Variants in ZFX observed in about 807,000 individuals in gnomAD.
ZFX encodes zinc finger X-chromosomal protein.
For missense variants in ZFX, 362 were observed against 628.3 expected (o/e 0.58, Z 4.53); for synonymous variants, 196 against 226.8 (o/e 0.86, Z 1.22).
chrX:24,174,273 C>A (rs185361807), intron 4 of ZFX, among the ~76,000 whole-genome samples: 6 of 110,519 alleles, frequency 5.4e-5, no homozygotes, highest in Non-Finnish European at 1.1e-4. Flanking sequence ...AGGTAGCTAC[C>A]CCTTATTATA....
At chrX:24,182,135 A>C (rs1186848948) in intron 5 of ZFX, among the ~76,000 whole-genome samples, 1 of 109,191 alleles carries the variant, frequency 9.2e-6, no homozygotes, top group Non-Finnish European at 1.9e-5. Flanking sequence ...CATTACCTGA[A>C]AGGAGGAGTA....
intron 5 of ZFX, among the ~76,000 whole-genome samples, chrX:24,184,009 C>CAT (rs1935906068): frequency 9.0e-6 from 1 of 111,388 alleles, no homozygotes; most frequent in Non-Finnish European, 1.9e-5. Context: ...GATCCATCTG[C>CAT]CTCAGCCTCC....
At chrX:24,197,455 A>G (rs903004922) in intron 5 of ZFX, among the ~76,000 whole-genome samples, 1 of 112,278 alleles carries the variant, frequency 8.9e-6, no homozygotes, top group Middle Eastern at 4.2e-3. Flanking sequence ...GTATCTTAGC[A>G]TATAGCCAAG....
chrX:24,197,347 G>A (rs1327727940), intron 5 of ZFX, among the ~76,000 whole-genome samples: 3 of 111,379 alleles, frequency 2.7e-5, no homozygotes, highest in Non-Finnish European at 3.8e-5. Flanking sequence ...GGCAATAGGG[G>A]CAGTTAGAGT....
At chrX:24,195,986 A>G (rs1235602226) in intron 5 of ZFX, among the ~76,000 whole-genome samples, 2 of 112,142 alleles carry the variant, frequency 1.8e-5, no homozygotes, top group African/African-American at 6.5e-5. Context: ...GTTCCATCAA[A>G]TGTGGACAGT....
intron 5 of ZFX, among the ~76,000 whole-genome samples, chrX:24,201,851 G>A (rs937260957): frequency 6.2e-5 from 7 of 112,265 alleles, no homozygotes; most frequent in African/African-American, 9.7e-5. Context: ...TATGTCCAGC[G>A]TTTAGAGAAC....
At position 24,215,217 on chromosome X, in the gene ZFX, C is replaced by G. The variant is rs1321030913; in HGVS notation, c.*3841C>G. ...AAATGACACCTAACCTGTCTGTGAT[C>G]CAACAAGTCCGATAACATGCTGCTG... On this transcript the variant is annotated 3_prime_UTR_variant, in exon 10 of 10. Coordinates refer to ENST00000304543, the MANE Select transcript of ZFX (RefSeq NM_003410.4). 2 of 111,861 alleles carry G rather than the reference C, an allele frequency of 1.8e-5. No homozygotes were observed. Among genetic ancestry groups the G allele is most frequent in the African/African-American group, 6.5e-5 (2 of 30,780 alleles). The allele number at this position is 111,861 out of a possible 1,213,427, so 9.2% of individuals were successfully genotyped here.
Position 24,209,169 on chromosome X carries a change from T to G in ZFX, c.1234+129T>G, listed in dbSNP as rs1347997937. The G allele has an allele frequency of 6.2e-6, 6 of 967,170 alleles. No individual in the cohort carries two copies. The East Asian group carries it at 2.0e-4, about 33-fold the overall frequency. The allele number at this position is 967,170 out of a possible 1,213,427, so 79.7% of individuals were successfully genotyped here. On this transcript the variant is annotated intron_variant, in intron 9 of 9. Transcript: ENST00000304543. ...CCATATATAGCTTTGTCTATTGAAC[T>G]TGAAAATATAATTTTCAGAATTCAG...
chrX:24,207,246 T>TTTA, intron 5 of ZFX, 80 bp from the exon 6 acceptor site: 1 of 301,205 alleles, frequency 3.3e-6, no homozygotes, highest in Non-Finnish European at 4.3e-6. Flanking sequence ...AAAAAAAAAA[T>TTTA]TTTTTTTTTT....
chrX:24,213,901 TTAAC>T lies in ZFX; in HGVS notation c.*2528_*2531del, dbSNP rs1375213864. On this transcript the variant is annotated 3_prime_UTR_variant, in exon 10 of 10. Transcript: ENST00000304543. Reference sequence around the variant, plus strand: ...CAGAAAATATAAATGATTGGGTCATTTAACTATATTTTTTTAAATAAACTGAAAG... The same window carrying T: ...CAGAAAATATAAATGATTGGGTCATTTATATTTTTTTAAATAAACTGAAAG... The T allele has an allele frequency of 1.8e-5, 2 of 110,845 alleles. No individual in the cohort carries two copies. Among genetic ancestry groups the T allele is most frequent in the South Asian group, 3.8e-4 (1 of 2,649 alleles). The allele number at this position is 110,845 out of a possible 1,213,427, so 9.1% of individuals were successfully genotyped here.
chrX:24,173,022 C>T (rs1316277791), intron 4 of ZFX: 2 of 300,448 alleles, frequency 6.7e-6, no homozygotes, highest in African/African-American at 5.5e-5. Flanking sequence ...CAATATCAAA[C>T]CTTAGTTTTA....
chrX:24,172,375 G>T (rs1243015446), intron 3 of ZFX, among the ~76,000 whole-genome samples: 1 of 111,855 alleles, frequency 8.9e-6, no homozygotes, highest in Non-Finnish European at 1.9e-5. Flanking sequence ...TCTTAAAAGC[G>T]TTCTATATTT....
intron 5 of ZFX, among the ~76,000 whole-genome samples, chrX:24,206,500 CGTGTGT>C (rs774457469): frequency 0.036 from 2,140 of 59,593 alleles, 69 homozygotes; most frequent in African/African-American, 0.068. Flanking sequence ...CCATGCCTGG[CGTGTGT>C]GTGTGTGTGT....
Position 24,211,522 on chromosome X carries a change from T to A in ZFX, c.*146T>A, listed in dbSNP as rs1000471669. Reference sequence around the variant, plus strand: ...TTATTACTTCTAGTTGACTTTTTTTTAAATATACATTTTGCTCAGTAGTGT... The same window carrying A: ...TTATTACTTCTAGTTGACTTTTTTTAAAATATACATTTTGCTCAGTAGTGT... On this transcript the variant is annotated 3_prime_UTR_variant, in exon 10 of 10. Coordinates refer to ENST00000304543, the MANE Select transcript of ZFX (RefSeq NM_003410.4). 6.2e-5 allele frequency: 45 copies of A among 724,187 alleles called. No individual in the cohort carries two copies. Among genetic ancestry groups the A allele is most frequent in the Non-Finnish European group, 7.7e-5 (39 of 504,472 alleles). 59.7% of individuals were successfully genotyped at this position (724,187 alleles called of 1,213,427 possible).
At chrX:24,206,500 CGTGTGTGTGTGTGTGT>C (rs774457469) in intron 5 of ZFX, among the ~76,000 whole-genome samples, 169 of 59,598 alleles carry the variant, frequency 2.8e-3, no homozygotes, top group Middle Eastern at 0.023. Context: ...CCATGCCTGG[CGTGTGTGTGTGTGTGT>C]GTGTGTGTGT....
At chrX:24,170,666 A>T (rs1353683118) in intron 3 of ZFX, among the ~76,000 whole-genome samples, 2 of 94,536 alleles carry the variant, frequency 2.1e-5, no homozygotes, top group African/African-American at 8.3e-5. Context: ...GCTGGAGTGC[A>T]ATGGCATGAT....
At chrX:24,163,666 C>A (rs1485992991) in intron 3 of ZFX, among the ~76,000 whole-genome samples, 1 of 106,247 alleles carries the variant, frequency 9.4e-6, no homozygotes, top group Non-Finnish European at 1.9e-5. Flanking sequence ...GCATTAGTCA[C>A]CATGCCCGGC....
chrX:24,179,942 G>A (rs1358354382), intron 5 of ZFX, among the ~76,000 whole-genome samples, 172 bp downstream of exon 5: 2 of 111,636 alleles, frequency 1.8e-5, no homozygotes, highest in East Asian at 5.6e-4. Context: ...ATTAAGAAAA[G>A]TGAGGCCGGG....
At chrX:24,177,630 A>G (rs1935270053) in intron 4 of ZFX, 1 of 690,554 alleles carries the variant, frequency 1.4e-6, no homozygotes, top group Non-Finnish European at 1.7e-6. Context: ...TTCCTCCTCA[A>G]CTGTGGTCTT....
Sources: gnomAD v4.1 joint callset for allele counts (sites outside exome capture counted in the v4.1 genomes callset) on GRCh38, gnomAD v4.1.1 for gene constraint, MANE v1.5 for transcripts, NCBI Gene and HGNC (gene_info 2026-07-23, HGNC 2026-07-21) for gene names.